Variants in STK32B observed in about 807,000 individuals in gnomAD.
STK32B encodes the protein serine/threonine kinase 32B.
STK32B carries 43 observed loss-of-function variants against 52.6 expected under a neutral mutation model. That is an observed-to-expected ratio of 0.82 (90% CI 0.64 to 1.05). The LOEUF is 1.05. Among genes scored for constraint, STK32B ranks in the 50% least tolerant of loss-of-function variants. The pLI, the probability that STK32B is intolerant of heterozygous loss-of-function variation, is 0.00. For synonymous variants in STK32B, 238 were observed against 204.3 expected, an observed-to-expected ratio of 1.17 and a Z score of -1.41; for missense variants, 621 against 534.6, an observed-to-expected ratio of 1.16 and a Z score of -1.59.
At chr4:5,286,891 A>T (rs1728584268) in intron 3 of STK32B, among the ~76,000 whole-genome samples, 1 of 142,634 alleles carries the variant, frequency 7.0e-6, no homozygotes, top group Admixed American at 7.5e-5. Flanking sequence ...TCTGCCTTCC[A>T]GTTTCAAGCG....
chr4:5,255,885 A>G (rs1264836597), intron 3 of STK32B, among the ~76,000 whole-genome samples: 4 of 152,194 alleles, frequency 2.6e-5, no homozygotes, highest in Non-Finnish European at 4.4e-5. Flanking sequence ...TGCTGTGCAC[A>G]TTCTTATCCA....
chr4:5,476,051 C>T (rs1286962107), intron 11 of STK32B, among the ~76,000 whole-genome samples: 2 of 151,914 alleles, frequency 1.3e-5, no homozygotes, highest in African/African-American at 4.8e-5. Flanking sequence ...CCCGCCACCA[C>T]ACCCAGCTAA....
intron 3 of STK32B, among the ~76,000 whole-genome samples, chr4:5,209,248 G>T (rs1198303263): frequency 6.6e-6 from 1 of 152,162 alleles, no homozygotes; most frequent in Non-Finnish European, 1.5e-5. Flanking sequence ...TTGAGACAGG[G>T]TCCTGCTCTG....
chr4:5,072,696 G>C (rs1204043421), intron 1 of STK32B, among the ~76,000 whole-genome samples: 1 of 152,104 alleles, frequency 6.6e-6, no homozygotes, highest in Non-Finnish European at 1.5e-5. Flanking sequence ...CACTTGAAAG[G>C]AATATATATC....
At chr4:5,474,313 T>C (rs762670500) in intron 11 of STK32B, among the ~76,000 whole-genome samples, 1 of 152,118 alleles carries the variant, frequency 6.6e-6, no homozygotes, top group Non-Finnish European at 1.5e-5. Flanking sequence ...GGGTCAAGTC[T>C]TGGTCTTGCT....
intron 3 of STK32B, among the ~76,000 whole-genome samples, chr4:5,197,115 A>G (rs559981145): frequency 6.6e-6 from 1 of 152,328 alleles, no homozygotes; most frequent in South Asian, 2.1e-4. Context: ...CTGCAGGGGA[A>G]GGCAGGTGAC....
intron 11 of STK32B, among the ~76,000 whole-genome samples, chr4:5,486,098 C>T (rs1187708771): frequency 6.6e-6 from 1 of 152,172 alleles, no homozygotes; most frequent in African/African-American, 2.4e-5. Context: ...GGGAGGACCA[C>T]TACTTTCGGG....
intron 3 of STK32B, among the ~76,000 whole-genome samples, chr4:5,177,236 A>G (rs889581697): frequency 6.6e-6 from 1 of 152,152 alleles, no homozygotes; most frequent in Non-Finnish European, 1.5e-5. Flanking sequence ...GCAGAAGGCA[A>G]AGGAGAAGCC....
At chr4:5,353,202 A>G (rs992658313) in intron 4 of STK32B, among the ~76,000 whole-genome samples, 1 of 152,198 alleles carries the variant, frequency 6.6e-6, no homozygotes, top group Non-Finnish European at 1.5e-5. Context: ...TGTATATCAT[A>G]TGCAGAAGAA....
chr4:5,123,774 T>G (rs1353567911), intron 1 of STK32B, among the ~76,000 whole-genome samples: 2 of 152,124 alleles, frequency 1.3e-5, no homozygotes. Flanking sequence ...AGTCACATTC[T>G]GAGGTACTGG....
chr4:5,422,752 C>G (rs1038140923), intron 6 of STK32B, among the ~76,000 whole-genome samples: 1 of 152,134 alleles, frequency 6.6e-6, no homozygotes, highest in Non-Finnish European at 1.5e-5. Flanking sequence ...GTACACAGGG[C>G]ACAGTCAAGG....
chr4:5,342,039 C>T (rs1035752525), intron 4 of STK32B, among the ~76,000 whole-genome samples: 6 of 152,072 alleles, frequency 3.9e-5, no homozygotes, highest in African/African-American at 1.4e-4. Context: ...TGGCAAAAGT[C>T]AGGAAACAAC....
At chr4:5,296,806 A>G (rs1044005486) in intron 3 of STK32B, among the ~76,000 whole-genome samples, 6 of 152,206 alleles carry the variant, frequency 3.9e-5, no homozygotes, top group Non-Finnish European at 7.3e-5. Context: ...TCCTGTCATT[A>G]TGATGCTAGC....
intron 5 of STK32B, among the ~76,000 whole-genome samples, chr4:5,410,703 TTAAAA>T (rs990345947): frequency 2.6e-5 from 4 of 151,982 alleles, no homozygotes; most frequent in Non-Finnish European, 4.4e-5. Flanking sequence ...AAATCAAGAG[TTAAAA>T]TGGAATGTTG....
chr4:5,305,120 G>A (rs1157912774), intron 3 of STK32B, among the ~76,000 whole-genome samples: 1 of 152,050 alleles, frequency 6.6e-6, no homozygotes, highest in Non-Finnish European at 1.5e-5. Flanking sequence ...TTGCAGCTAT[G>A]TTCATCAGGG....
chr4:5,294,145 A>G (rs899208114), intron 3 of STK32B, among the ~76,000 whole-genome samples: 3 of 152,080 alleles, frequency 2.0e-5, no homozygotes, highest in Admixed American at 6.5e-5. Flanking sequence ...CCATTGGTCT[A>G]TATATCTGTT....
chr4:5,197,958 AATAATAATG>A (rs1721822035), intron 3 of STK32B, among the ~76,000 whole-genome samples: 1 of 152,196 alleles, frequency 6.6e-6, no homozygotes, highest in Non-Finnish European at 1.5e-5. Flanking sequence ...TTTTCCAGCA[AATAATAATG>A]ATAATAATGA....
Position 5,395,245 on chromosome 4 carries a change from C to G in STK32B, c.435-2962C>G. The stretch of plus-strand genomic sequence containing the variant: ...GTAACATAATCCCGGGACTGCCATC[C>G]CACCAAGTTTGCCCTGTAACATAAC... On this transcript the variant is annotated intron_variant, in intron 4 of 11. Coordinates refer to ENST00000282908, the MANE Select transcript of STK32B (RefSeq NM_018401.3). This position sits in a 1 kb window ranked among gnomAD's most constrained non-coding sequence, Gnocchi z 4.4. 6.6e-6 allele frequency among the ~76,000 whole-genome samples: 1 copy of G among 152,100 alleles called. No individual in the cohort carries two copies. Among genetic ancestry groups the G allele is most frequent in the East Asian group, 1.9e-4 (1 of 5,180 alleles).
At chr4:5,332,823 A>G (rs534990645) in intron 4 of STK32B, among the ~76,000 whole-genome samples, 10 of 151,986 alleles carry the variant, frequency 6.6e-5, no homozygotes, top group Non-Finnish European at 1.3e-4. Flanking sequence ...AAGGACATGA[A>G]CTCATCATTT....
Sources: allele counts gnomAD v4.1 joint callset (sites outside exome capture counted in the v4.1 genomes callset), GRCh38; gene constraint gnomAD v4.1.1; non-coding constraint Gnocchi (gnomAD v3.1); transcripts MANE v1.5; gene names NCBI Gene and HGNC (gene_info 2026-07-23, HGNC 2026-07-21).